Variants in RPSA2 observed in about 807,000 individuals in gnomAD.
The protein encoded by RPSA2 is ribosomal protein SA 2, also known as small ribosomal subunit protein uS2B.
chr19:23,864,065 C>A, the RPSA2 span, among the ~76,000 whole-genome samples: 1 of 152,266 alleles, frequency 6.6e-6, no homozygotes, highest in South Asian at 2.1e-4. Context: ...GAAGACCGAA[C>A]ATGCACACAC....
chr19:23,846,098 A>G, the RPSA2 span, among the ~76,000 whole-genome samples: 2 of 152,082 alleles, frequency 1.3e-5, no homozygotes, highest in African/African-American at 2.4e-5. Context: ...GTTTAATAAT[A>G]TTTCTTTTTA....
the RPSA2 span, among the ~76,000 whole-genome samples, chr19:23,848,583 A>G: frequency 8.5e-4 from 129 of 152,322 alleles, no homozygotes; most frequent in African/African-American, 2.7e-3. Context: ...CCAAGGATAA[A>G]TTATCTTCCC....
chr19:23,791,955 C>T, the RPSA2 span, among the ~76,000 whole-genome samples: 1 of 152,104 alleles, frequency 6.6e-6, no homozygotes, highest in Non-Finnish European at 1.5e-5. Context: ...CTCCTGGCCT[C>T]AGGTGATCCA....
the RPSA2 span, among the ~76,000 whole-genome samples, chr19:23,761,930 T>TCTTTCTCTCTCTCTCTCTCTCTC: frequency 3.1e-5 from 4 of 127,434 alleles, no homozygotes; most frequent in East Asian, 5.1e-4. Context: ...CTTTTTTTTT[T>TCTTTCTCTCTCTCTCTCTCTCTC]TTTTTGAGAT....
At chr19:23,774,739 T>C in the RPSA2 span, among the ~76,000 whole-genome samples, 1 of 152,222 alleles carries the variant, frequency 6.6e-6, no homozygotes, top group South Asian at 2.1e-4. Context: ...ACAGGGAGCA[T>C]TGTGACATAT....
chr19:23,829,245 T>C, the RPSA2 span, among the ~76,000 whole-genome samples: 1 of 152,232 alleles, frequency 6.6e-6, no homozygotes, highest in Non-Finnish European at 1.5e-5. Flanking sequence ...TTGTGTCTTA[T>C]TCTCTTTCCA....
chr19:23,821,602 T>C, the RPSA2 span, among the ~76,000 whole-genome samples: 1 of 152,204 alleles, frequency 6.6e-6, no homozygotes, highest in African/African-American at 2.4e-5. Flanking sequence ...GCCAGCCCGA[T>C]CAGGTCGGCA....
chr19:23,838,053 C>T, the RPSA2 span, among the ~76,000 whole-genome samples: 49,122 of 152,068 alleles, frequency 0.32, 8,266 homozygotes, highest in Non-Finnish European at 0.38. Context: ...AACTTTTCCC[C>T]ATTCACTATT....
chr19:23,760,278 T>C, the RPSA2 span, among the ~76,000 whole-genome samples: 1 of 152,118 alleles, frequency 6.6e-6, no homozygotes, highest in Admixed American at 6.5e-5. Context: ...AAAGTGGCTG[T>C]TTTTGTGTTT....
chr19:23,758,876 G>C, the RPSA2 span: 7 of 1,351,470 alleles, frequency 5.2e-6, no homozygotes, highest in Admixed American at 1.0e-4. Context: ...CCGGAGCTCG[G>C]GCTGAAGGGA....
At chr19:23,763,605 A>G in the RPSA2 span, among the ~76,000 whole-genome samples, 2 of 152,102 alleles carry the variant, frequency 1.3e-5, no homozygotes, top group South Asian at 4.2e-4. Flanking sequence ...AGAAGCTGGG[A>G]TTACAGACCT....
At chr19:23,788,881 A>G in the RPSA2 span, among the ~76,000 whole-genome samples, 2 of 152,012 alleles carry the variant, frequency 1.3e-5, no homozygotes, top group Non-Finnish European at 2.9e-5. Context: ...AGATTGTAAC[A>G]TATCACTGGG....
chr19:23,792,527 T>C, the RPSA2 span, among the ~76,000 whole-genome samples: 3 of 151,862 alleles, frequency 2.0e-5, no homozygotes, highest in Admixed American at 6.6e-5. Context: ...ATATAAAAAA[T>C]TGAATTTCGA....
the RPSA2 span, among the ~76,000 whole-genome samples, chr19:23,862,680 T>C: frequency 2.0e-5 from 3 of 152,088 alleles, no homozygotes; most frequent in Non-Finnish European, 4.4e-5. Context: ...GGGTTACATT[T>C]ATTGCATTTA....
the RPSA2 span, among the ~76,000 whole-genome samples, chr19:23,847,232 C>G: frequency 6.7e-6 from 1 of 149,576 alleles, no homozygotes; most frequent in Non-Finnish European, 1.5e-5. Context: ...TTAAGGATGT[C>G]TATCTCCTTG....
the RPSA2 span, among the ~76,000 whole-genome samples, chr19:23,867,829 C>CAAAAA: frequency 8.2e-6 from 1 of 121,376 alleles, no homozygotes; most frequent in Admixed American, 8.3e-5. Flanking sequence ...GACTCCGTCT[C>CAAAAA]AAAAAAAAAA....
At chr19:23,832,184 C>G in the RPSA2 span, 1 of 423,980 alleles carries the variant, frequency 2.4e-6, no homozygotes, top group Non-Finnish European at 4.7e-6. Context: ...TCAACCCTAA[C>G]TAGATATAAG....
chr19:23,786,854 T>C, the RPSA2 span, among the ~76,000 whole-genome samples: 148,814 of 152,138 alleles, frequency 0.98, 72,875 homozygotes, highest in Middle Eastern at 1. Flanking sequence ...GCCCTTCCTA[T>C]AGGGGACATT....
At chr19:23,760,413 T>C in the RPSA2 span, among the ~76,000 whole-genome samples, 1 of 152,236 alleles carries the variant, frequency 6.6e-6, no homozygotes, top group South Asian at 2.1e-4. Context: ...TTAAAATGTC[T>C]CAGTGGGGAA....
Sources: allele counts gnomAD v4.1 joint callset (sites outside exome capture counted in the v4.1 genomes callset), GRCh38; gene constraint gnomAD v4.1.1; transcripts MANE v1.5; gene names NCBI Gene and HGNC (gene_info 2026-07-23, HGNC 2026-07-21).